Variants in ENDOU observed in about 807,000 individuals in gnomAD.
The protein encoded by ENDOU is uridylate-specific endoribonuclease.
Under a neutral mutation model 54.2 loss-of-function variants are expected in ENDOU, and 49 were observed. The ratio of observed to expected loss-of-function variants is 0.90; its 90% CI spans 0.72 to 1.15. The LOEUF is 1.15. ENDOU is among the 50% of genes most tolerant of loss of function. The pLI, the probability that ENDOU is intolerant of heterozygous loss-of-function variation, is 0.00. For synonymous variants in ENDOU, 172 were observed against 190.5 expected (o/e 0.90, Z 0.80); for missense variants, 458 against 511.4 (o/e 0.90, Z 1.01).
chr12:47,717,786 A>AAACC, intron 3 of ENDOU, 131 bp from the exon 4 acceptor site: 3 of 959,040 alleles, frequency 3.1e-6, no homozygotes, highest in Non-Finnish European at 4.7e-6. Context: ...GAAAACAAAC[A>AAACC]AACCTAATTC....
chr12:47,710,907 G>A lies in ENDOU; in HGVS notation c.1128C>T (p.Ser376=). 6.2e-7 allele frequency: 1 copy of A among 1,609,938 alleles called. No individual in the cohort carries two copies. Among genetic ancestry groups the A allele is most frequent in the East Asian group, 2.2e-5 (1 of 44,792 alleles). ...IARPGKVCQL[S]LGGYPLAVRT... is the part of the protein sequence containing the mutation. ...GGACAGCTAAGGGATATCCTCCCAG[G>A]CTTAACTGGCACCTGTGGGGAAAGA... The change falls in exon 10 of 10, where the codon AGC becomes AGT. Residue 376 remains serine (S), a synonymous_variant. Transcript: ENST00000422538.
chr12:47,712,814 C>T (rs1487517287), intron 7 of ENDOU, among the ~76,000 whole-genome samples, 192 bp from the exon 8 acceptor site: 1 of 152,146 alleles, frequency 6.6e-6, no homozygotes, highest in Non-Finnish European at 1.5e-5. Context: ...CCTTCTGGCT[C>T]AAGCCCTTGG....
chr12:47,721,307 A>G (rs1940425786), intron 1 of ENDOU, among the ~76,000 whole-genome samples: 1 of 152,030 alleles, frequency 6.6e-6, no homozygotes, highest in Non-Finnish European at 1.5e-5. Context: ...TTTTTTTTCA[A>G]GATAAATCTT....
chr12:47,725,227 C>T (rs1295545809), intron 1 of ENDOU, 132 bp downstream of exon 1: 1 of 974,242 alleles, frequency 1.0e-6, no homozygotes, highest in Non-Finnish European at 1.6e-6. Context: ...CAAAAGTGCT[C>T]TGCGGCTTTA....
At chr12:47,725,231 G>A (rs1298890184) in intron 1 of ENDOU, 128 bp downstream of exon 1, 17 of 1,013,686 alleles carry the variant, frequency 1.7e-5, no homozygotes, top group South Asian at 9.4e-5. Flanking sequence ...AGTGCTCTGC[G>A]GCTTTAGGAC....
intron 6 of ENDOU, among the ~76,000 whole-genome samples, chr12:47,714,323 A>G (rs1305136429): frequency 6.6e-6 from 1 of 152,250 alleles, no homozygotes; most frequent in African/African-American, 2.4e-5. Flanking sequence ...GTGCAGAGCC[A>G]CTGAAGGATT....
chr12:47,717,737 G>T, intron 3 of ENDOU, 82 bp from the exon 4 acceptor site: 1 of 1,456,052 alleles, frequency 6.9e-7, no homozygotes, highest in South Asian at 1.2e-5. Context: ...TCCCTAGCCT[G>T]GCTGTCTTCA....
At chr12:47,714,996 A>C (rs573890326) in intron 6 of ENDOU, among the ~76,000 whole-genome samples, 1 of 152,346 alleles carries the variant, frequency 6.6e-6, no homozygotes, top group East Asian at 1.9e-4. Flanking sequence ...GCAAGGACTG[A>C]GTGCCAGGCT....
chr12:47,720,585 T>G, intron 2 of ENDOU, 168 bp downstream of exon 2: 5 of 533,096 alleles, frequency 9.4e-6, no homozygotes, highest in Non-Finnish European at 1.5e-5. Context: ...CTAGAAAACC[T>G]GAGAAAAGTG....
At chr12:47,720,152 T>C (rs1479865883) in intron 2 of ENDOU, 1 of 152,298 alleles carries the variant, frequency 6.6e-6, no homozygotes, top group East Asian at 1.9e-4. Flanking sequence ...TTGACAACAT[T>C]GGAAGCACCT....
intron 1 of ENDOU, among the ~76,000 whole-genome samples, chr12:47,723,924 T>C (rs2239187): frequency 0.12 from 18,987 of 152,202 alleles, 1,974 homozygotes; most frequent in Admixed American, 0.27. Flanking sequence ...ATGTGATTCA[T>C]ATTCTTGCCT....
intron 6 of ENDOU, among the ~76,000 whole-genome samples, 162 bp from the exon 7 acceptor site, chr12:47,713,550 C>T (rs73104177): frequency 0.057 from 8,727 of 152,196 alleles, 317 homozygotes; most frequent in Middle Eastern, 0.092. Flanking sequence ...CTATGGGATG[C>T]CTATTTTGTG....
At chr12:47,721,397 C>G (rs1186859091) in intron 1 of ENDOU, among the ~76,000 whole-genome samples, 3 of 152,182 alleles carry the variant, frequency 2.0e-5, no homozygotes, top group Admixed American at 2.0e-4. Context: ...GTGTAGCCCA[C>G]AGGCCCCCTT....
chr12:47,722,163 C>T (rs1012729747), intron 1 of ENDOU, among the ~76,000 whole-genome samples: 2 of 152,154 alleles, frequency 1.3e-5, no homozygotes, highest in Admixed American at 6.5e-5. Context: ...TGATTCAATA[C>T]AGGTGTAGTA....
At chr12:47,713,686 T>C (rs1054047463) in intron 6 of ENDOU, among the ~76,000 whole-genome samples, 1 of 143,860 alleles carries the variant, frequency 7.0e-6, no homozygotes, top group Non-Finnish European at 1.5e-5. Context: ...TTCAGATCAG[T>C]GCTATGAAGC....
At chr12:47,713,844 TG>T (rs1940131572) in intron 6 of ENDOU, among the ~76,000 whole-genome samples, 1 of 151,222 alleles carries the variant, frequency 6.6e-6, no homozygotes, top group Non-Finnish European at 1.5e-5. Context: ...CAAAGATCTG[TG>T]GGGAAGATTC....
chr12:47,712,837 T>G (rs1246263016), intron 7 of ENDOU, among the ~76,000 whole-genome samples: 1 of 152,138 alleles, frequency 6.6e-6, no homozygotes, highest in East Asian at 1.9e-4. Context: ...GAATCCTTCC[T>G]TCTGGTGATC....
chr12:47,711,921 T>A, intron 8 of ENDOU, 146 bp from the exon 9 acceptor site: 1 of 920,166 alleles, frequency 1.1e-6, no homozygotes, highest in Non-Finnish European at 1.6e-6. Flanking sequence ...ATTCTTTAAA[T>A]AGAAGAGGCA....
rs1029433690 is a variant in ENDOU at position 47,720,804 on chromosome 12, G to A, written c.127C>T (p.Arg43Trp). The A allele has an allele frequency of 2.7e-5, 41 of 1,535,986 alleles. No individual in the cohort carries two copies. The highest frequency in any genetic ancestry group is 4.1e-5 in the African/African-American group (3 of 73,038). The change falls in exon 2 of 10, where the codon CGG becomes TGG. Residue 43 changes from arginine (R) to tryptophan (W), a missense_variant. Arg to Trp is a moderately radical substitution (Grantham distance 101). Coordinates refer to ENST00000422538, the MANE Select transcript of ENDOU (RefSeq NM_001172439.2). ...NRDAACQCDR[R>W]CLWHGNCCED... ...CAGCAGTTCCCATGCCAGAGACACC[G>A]GCGGTCACACTGGCAGGCAGCGTCC...
Sources: gnomAD v4.1 joint callset for allele counts (sites outside exome capture counted in the v4.1 genomes callset) on GRCh38, gnomAD v4.1.1 for gene constraint, MANE v1.5 for transcripts, NCBI Gene and HGNC (gene_info 2026-07-23, HGNC 2026-07-21) for gene names.